POFUT3: variants seen among roughly 807,000 people sequenced by gnomAD.
The protein encoded by POFUT3 is protein O-fucosyltransferase 3.
At chr8:33,468,720 C>T in the POFUT3 span, among the ~76,000 whole-genome samples, 1 of 152,196 alleles carries the variant, frequency 6.6e-6, no homozygotes, top group Non-Finnish European at 1.5e-5. Context: ...AACTGGTGTT[C>T]TTCCCAGTGG....
At chr8:33,381,631 G>T in the POFUT3 span, among the ~76,000 whole-genome samples, 3,219 of 152,286 alleles carry the variant, frequency 0.021, 113 homozygotes, top group African/African-American at 0.074. Flanking sequence ...GCTAGAAAGC[G>T]TTAAAATGAA....
chr8:33,461,856 CA>C, the POFUT3 span: 1 of 350,244 alleles, frequency 2.9e-6, no homozygotes, highest in South Asian at 2.4e-5. Context: ...CCTAGTACCT[CA>C]CTCATAAGTA....
At chr8:33,422,766 C>T in the POFUT3 span, among the ~76,000 whole-genome samples, 1 of 152,058 alleles carries the variant, frequency 6.6e-6, no homozygotes, top group African/African-American at 2.4e-5. Context: ...GAGAAATCCT[C>T]TCTTAGAGGA....
the POFUT3 span, among the ~76,000 whole-genome samples, chr8:33,472,425 A>T: frequency 6.6e-6 from 1 of 152,344 alleles, no homozygotes; most frequent in East Asian, 1.9e-4. Context: ...TTTACAAAAA[A>T]TGAGCTCTGT....
chr8:33,375,333 A>G, the POFUT3 span, among the ~76,000 whole-genome samples: 1 of 152,204 alleles, frequency 6.6e-6, no homozygotes. Context: ...GAAGAGAAAA[A>G]AAGAAAAGAA....
the POFUT3 span, among the ~76,000 whole-genome samples, chr8:33,383,957 A>C: frequency 4.6e-5 from 7 of 151,978 alleles, no homozygotes; most frequent in African/African-American, 1.7e-4. Context: ...AAAAAAAAAA[A>C]AACAGATAAA....
At chr8:33,410,787 T>C in the POFUT3 span, among the ~76,000 whole-genome samples, 1 of 152,156 alleles carries the variant, frequency 6.6e-6, no homozygotes, top group Admixed American at 6.5e-5. Flanking sequence ...TGGTTTGTAA[T>C]GAAGTCAAGT....
At chr8:33,447,309 T>G in the POFUT3 span, among the ~76,000 whole-genome samples, 313 of 151,966 alleles carry the variant, frequency 2.1e-3, 4 homozygotes, top group East Asian at 0.047. Context: ...ATTAGCCAAG[T>G]GTGGTGGCGG....
chr8:33,315,539 G>T, the POFUT3 span, among the ~76,000 whole-genome samples: 1 of 152,074 alleles, frequency 6.6e-6, no homozygotes, highest in African/African-American at 2.4e-5. Context: ...TGAAGAGGGG[G>T]TCAGAAAGTG....
At chr8:33,336,258 T>C in the POFUT3 span, among the ~76,000 whole-genome samples, 1 of 152,176 alleles carries the variant, frequency 6.6e-6, no homozygotes, top group African/African-American at 2.4e-5. Flanking sequence ...GGCTTCAAGC[T>C]ACGAGTGTGA....
chr8:33,344,374 A>G, the POFUT3 span, among the ~76,000 whole-genome samples: 1 of 152,104 alleles, frequency 6.6e-6, no homozygotes, highest in South Asian at 2.1e-4. Flanking sequence ...CCTTGCTGCC[A>G]CCTCCCTGAA....
the POFUT3 span, chr8:33,452,722 A>AAT: frequency 2.7e-5 from 4 of 150,428 alleles, no homozygotes; most frequent in African/African-American, 1.0e-4. Context: ...ACACACACAC[A>AAT]ATCATGATTC....
the POFUT3 span, among the ~76,000 whole-genome samples, chr8:33,391,530 T>C: frequency 1.3e-5 from 2 of 152,224 alleles, no homozygotes; most frequent in African/African-American, 4.8e-5. Context: ...CATGAGGATA[T>C]GAAAGAGAAT....
At chr8:33,328,540 C>G in the POFUT3 span, among the ~76,000 whole-genome samples, 2 of 152,264 alleles carry the variant, frequency 1.3e-5, no homozygotes, top group East Asian at 3.9e-4. Flanking sequence ...GAAGACTGGT[C>G]TCTGGGCACA....
the POFUT3 span, among the ~76,000 whole-genome samples, chr8:33,318,114 T>C: frequency 6.6e-6 from 1 of 152,094 alleles, no homozygotes; most frequent in African/African-American, 2.4e-5. Context: ...TAGCCTGTTA[T>C]CTATGCATTG....
At chr8:33,342,737 C>A in the POFUT3 span, among the ~76,000 whole-genome samples, 1 of 152,176 alleles carries the variant, frequency 6.6e-6, no homozygotes, top group Non-Finnish European at 1.5e-5. Flanking sequence ...AAGCTAAAAA[C>A]CATTTGCCAA....
At chr8:33,361,359 G>A in the POFUT3 span, 1 of 152,298 alleles carries the variant, frequency 6.6e-6, no homozygotes, top group East Asian at 1.9e-4. Flanking sequence ...TTCTGGACTT[G>A]CCAGCTCACT....
chr8:33,318,348 T>C, the POFUT3 span, among the ~76,000 whole-genome samples: 1 of 150,334 alleles, frequency 6.7e-6, no homozygotes. Context: ...ATACAAATCC[T>C]ACAATGTCTA....
the POFUT3 span, among the ~76,000 whole-genome samples, chr8:33,313,198 G>A: frequency 6.6e-6 from 1 of 152,116 alleles, no homozygotes; most frequent in Non-Finnish European, 1.5e-5. Flanking sequence ...TTAGAGAAAG[G>A]GGTTAGTGGG....
Sources: gnomAD v4.1 joint callset for allele counts (sites outside exome capture counted in the v4.1 genomes callset) on GRCh38, gnomAD v4.1.1 for gene constraint, MANE v1.5 for transcripts, NCBI Gene and HGNC (gene_info 2026-07-23, HGNC 2026-07-21) for gene names.